HDAC4: variants seen among roughly 807,000 people sequenced by gnomAD.
HDAC4 encodes the protein histone deacetylase A.
A neutral mutation model predicts 135.1 loss-of-function variants in HDAC4; 16 were observed. The observed-to-expected ratio is 0.12, with a 90% CI of 0.08 to 0.18. The LOEUF (loss-of-function observed/expected upper bound fraction) is 0.18. Ranked by LOEUF, HDAC4 falls within the 10% of genes least tolerant of loss-of-function variation. The pLI is 1.00. For missense variants in HDAC4, 1,143 were observed against 1,511.8 expected (o/e 0.76, Z 4.05); for synonymous variants, 685 against 653.4 (o/e 1.05, Z -0.74).
At chr2:239,123,306 C>T (rs770449282) in intron 12 of HDAC4, among the ~76,000 whole-genome samples, 2 of 152,190 alleles carry the variant, frequency 1.3e-5, no homozygotes, top group Non-Finnish European at 2.9e-5. Flanking sequence ...GTGCCCTTCC[C>T]GTCCCAATGA....
At chr2:239,207,054 G>T (rs1349940833) in intron 3 of HDAC4, among the ~76,000 whole-genome samples, 1 of 151,946 alleles carries the variant, frequency 6.6e-6, no homozygotes, top group Admixed American at 6.6e-5. Context: ...TAAGCCACCT[G>T]ACCACGCCCC....
rs1311369190 is a variant in HDAC4, at chr2:239,240,918, G to C, written c.23-4254C>G. On this transcript the variant is annotated intron_variant, in intron 2 of 26. Coordinates refer to ENST00000543185, the MANE Select transcript of HDAC4 (RefSeq NM_001378414.1). The surrounding 1 kb of genome is among the most constrained non-coding windows in gnomAD (Gnocchi z 4.5). ...GCTTTTGCTTTTCAGAATCCACCTT[G>C]CATCAGACGGGTAGGTATGTCTAAC... is the stretch of plus-strand genomic sequence containing the variant. Among the ~76,000 whole-genome samples the C allele has an allele frequency of 1.3e-5, 2 of 151,904 alleles. No individual in the cohort carries two copies. Among genetic ancestry groups the C allele is most frequent in the Non-Finnish European group, 2.9e-5 (2 of 68,040 alleles).
intron 21 of HDAC4, among the ~76,000 whole-genome samples, chr2:239,081,642 C>G (rs2035338407): frequency 6.6e-6 from 1 of 152,222 alleles, no homozygotes; most frequent in Non-Finnish European, 1.5e-5. Flanking sequence ...CTGTTGGAGC[C>G]TCTGTTCAGA....
intron 2 of HDAC4, among the ~76,000 whole-genome samples, chr2:239,335,768 A>G (rs1444883797): frequency 1.6e-4 from 25 of 152,238 alleles, no homozygotes; most frequent in Admixed American, 1.6e-3. Context: ...TGAAACTACA[A>G]TAGTTAAAAT....
intron 11 of HDAC4, among the ~76,000 whole-genome samples, chr2:239,128,677 A>C (rs2040365125): frequency 6.6e-6 from 1 of 152,258 alleles, no homozygotes; most frequent in Admixed American, 6.5e-5. Flanking sequence ...GTTGCTGGAA[A>C]GGTCTCTCCT....
intron 2 of HDAC4, among the ~76,000 whole-genome samples, chr2:239,290,713 CACAT>C (rs1003033313): frequency 3.3e-5 from 5 of 152,080 alleles, no homozygotes; most frequent in East Asian, 1.9e-4. Context: ...CGCACACACT[CACAT>C]ACGCACTCAC....
intron 3 of HDAC4, among the ~76,000 whole-genome samples, chr2:239,209,282 C>T (rs530892297): frequency 3.1e-4 from 47 of 152,306 alleles, no homozygotes; most frequent in African/African-American, 1.1e-3. Context: ...TCTCTCCAAA[C>T]GGAACTACAG....
intron 2 of HDAC4, among the ~76,000 whole-genome samples, chr2:239,254,581 T>A (rs920901013): frequency 6.6e-6 from 1 of 151,932 alleles, no homozygotes; most frequent in African/African-American, 2.4e-5. Context: ...GATATAAAGA[T>A]AAAACTAGAT....
intron 2 of HDAC4, among the ~76,000 whole-genome samples, chr2:239,271,653 C>G (rs1369507943): frequency 6.6e-6 from 1 of 152,218 alleles, no homozygotes; most frequent in East Asian, 1.9e-4. Flanking sequence ...AGACACAAAG[C>G]CTGGGTGGCT....
rs1276205461 is a variant in HDAC4 at position 239,220,617 on chromosome 2, C to T, written c.94+15976G>A. On this transcript the variant is annotated intron_variant, in intron 3 of 26. Coordinates refer to ENST00000543185, the MANE Select transcript of HDAC4 (RefSeq NM_001378414.1). ...CTTTCATCATGAAAATCTTCAACGACACACAGAGTTAGCGAGAGGAATATA... is the reference window on the plus strand; with the variant it reads ...CTTTCATCATGAAAATCTTCAACGATACACAGAGTTAGCGAGAGGAATATA... 1.3e-5 allele frequency among the ~76,000 whole-genome samples: 2 copies of T among 152,204 alleles called. 1 individual carries two copies. Among genetic ancestry groups the T allele is most frequent in the Middle Eastern group, 6.3e-3 (2 of 316 alleles).
At chr2:239,081,249 AG>A in intron 21 of HDAC4, 57 bp from the exon 22 acceptor site, 3 of 1,448,922 alleles carry the variant, frequency 2.1e-6, no homozygotes, top group Non-Finnish European at 2.9e-6. Context: ...CCTGTCTGAC[AG>A]GAACGCCTGA....
intron 1 of HDAC4, among the ~76,000 whole-genome samples, chr2:239,397,362 G>A (rs1254055424): frequency 1.3e-5 from 2 of 152,338 alleles, no homozygotes; most frequent in Middle Eastern, 3.4e-3. Flanking sequence ...CGAGCCCCAA[G>A]CAGGTGCTCA....
intron 2 of HDAC4, among the ~76,000 whole-genome samples, chr2:239,276,673 C>A (rs778795755): frequency 6.6e-6 from 1 of 152,124 alleles, no homozygotes; most frequent in Non-Finnish European, 1.5e-5. Context: ...TGCCTGCTGC[C>A]GGAACACTGC....
At chr2:239,218,966 A>G (rs1368901113) in intron 3 of HDAC4, among the ~76,000 whole-genome samples, 13 of 143,798 alleles carry the variant, frequency 9.0e-5, no homozygotes, top group Admixed American at 2.8e-4. Context: ...AAGTCAGGAA[A>G]CAACAGGTGC....
intron 5 of HDAC4, 29 bp from the exon 6 acceptor site, chr2:239,163,952 T>G (rs2042975928): frequency 6.2e-7 from 1 of 1,612,906 alleles, no homozygotes. Flanking sequence ...TAGCAGGGGG[T>G]GAAGTGTGGC....
At chr2:239,196,101 C>T (rs1447617319) in intron 3 of HDAC4, among the ~76,000 whole-genome samples, 1 of 151,894 alleles carries the variant, frequency 6.6e-6, no homozygotes, top group Non-Finnish European at 1.5e-5. Context: ...ATAGATATTT[C>T]AACTATGTAA....
chr2:239,319,290 C>G (rs965763306), intron 2 of HDAC4, among the ~76,000 whole-genome samples: 1 of 152,250 alleles, frequency 6.6e-6, no homozygotes, highest in Admixed American at 6.5e-5. Flanking sequence ...CGGCCGCAGC[C>G]TCCCGTTAGC....
Position 239,053,029 on chromosome 2 carries a change from G to A in HDAC4, c.*68C>T, listed in dbSNP as rs761301658. On this transcript the variant is annotated 3_prime_UTR_variant, in exon 27 of 27. Coordinates refer to ENST00000543185, the MANE Select transcript of HDAC4 (RefSeq NM_001378414.1). ...CACGGTGGGACGCAGGCGTGACACG[G>A]GAAAGTTTCTTGGCTGAGCTTCAAG... 81 of 1,588,642 alleles carry A rather than the reference G, an allele frequency of 5.1e-5. No homozygotes were observed. The highest frequency in any genetic ancestry group is 1.7e-4 in the Middle Eastern group (1 of 6,040).
At chr2:239,082,613 T>A (rs2035451978) in intron 20 of HDAC4, among the ~76,000 whole-genome samples, 2 of 152,210 alleles carry the variant, frequency 1.3e-5, no homozygotes. Flanking sequence ...TTCCTCAGCC[T>A]CTGTCAGGAA....
Sources: gnomAD v4.1 joint callset for allele counts (sites outside exome capture counted in the v4.1 genomes callset) on GRCh38, gnomAD v4.1.1 for gene constraint, Gnocchi (gnomAD v3.1) non-coding constraint, MANE v1.5 for transcripts, NCBI Gene and HGNC (gene_info 2026-07-23, HGNC 2026-07-21) for gene names.